LRRC8C: variants seen among roughly 807,000 people sequenced by gnomAD.
LRRC8C encodes leucine rich repeat containing 8 VRAC subunit C, also known as volume-regulated anion channel subunit LRRC8C.
LRRC8C carries 20 observed loss-of-function variants against 55.3 expected under a neutral mutation model. The observed-to-expected ratio is 0.36, with a 90% CI of 0.25 to 0.53. The LOEUF is 0.53. Ranked by LOEUF, LRRC8C falls within the 20% of genes least tolerant of loss-of-function variation. The pLI is 0.92. For synonymous variants in LRRC8C, 376 were observed against 360.7 expected, an observed-to-expected ratio of 1.04 and a Z score of -0.48; for missense variants, 659 against 951.4, an observed-to-expected ratio of 0.69 and a Z score of 4.04.
the LRRC8C span, among the ~76,000 whole-genome samples, chr1:89,616,562 G>A: frequency 6.6e-6 from 1 of 152,200 alleles, no homozygotes; most frequent in East Asian, 1.9e-4. Context: ...TCTCTGATTT[G>A]TCTGGGGAAA....
At chr1:89,708,093 C>T (rs1459979431) in intron 2 of LRRC8C, among the ~76,000 whole-genome samples, 1 of 150,696 alleles carries the variant, frequency 6.6e-6, no homozygotes, top group Non-Finnish European at 1.5e-5. Flanking sequence ...CTTCACTTCT[C>T]CCCCCAGTTT....
At chr1:89,686,051 GCA>G (rs1491318429) in intron 1 of LRRC8C, among the ~76,000 whole-genome samples, 27 of 119,828 alleles carry the variant, frequency 2.3e-4, no homozygotes, top group African/African-American at 8.8e-4. Context: ...ATGGTTTAAA[GCA>G]AAAAAAAAAA....
intron 2 of LRRC8C, among the ~76,000 whole-genome samples, chr1:89,703,183 A>G (rs977129533): frequency 2.0e-5 from 3 of 152,262 alleles, no homozygotes; most frequent in Non-Finnish European, 2.9e-5. Context: ...GACTAAAGGT[A>G]AAATCTTAAA....
chr1:89,667,292 G>T (rs1328955784), intron 1 of LRRC8C, among the ~76,000 whole-genome samples: 3 of 151,970 alleles, frequency 2.0e-5, no homozygotes, highest in Non-Finnish European at 2.9e-5. Context: ...TGTTTGTGGA[G>T]CCCCTCCACT....
chr1:89,621,836 TG>T, the LRRC8C span, among the ~76,000 whole-genome samples: 1 of 152,242 alleles, frequency 6.6e-6, no homozygotes, highest in African/African-American at 2.4e-5. Flanking sequence ...GTTAGGAGTC[TG>T]GGATACAGCA....
At chr1:89,708,403 G>T (rs972925731) in intron 2 of LRRC8C, 1 of 152,188 alleles carries the variant, frequency 6.6e-6, no homozygotes, top group Admixed American at 6.5e-5. Context: ...TTTCTTTAAG[G>T]CTTGTTTTGC....
At chr1:89,683,461 G>A (rs534437818) in intron 1 of LRRC8C, among the ~76,000 whole-genome samples, 25 of 151,650 alleles carry the variant, frequency 1.6e-4, no homozygotes, top group Middle Eastern at 3.4e-3. Context: ...AAGTTGAAGC[G>A]ATTCTCCTGC....
chr1:89,699,834 C>T (rs1039556602), intron 2 of LRRC8C, among the ~76,000 whole-genome samples: 1 of 152,206 alleles, frequency 6.6e-6, no homozygotes, highest in Non-Finnish European at 1.5e-5. Context: ...CCTTCAGAGC[C>T]ATCTACTCTG....
chr1:89,650,368 G>A (rs1355978845), intron 1 of LRRC8C, among the ~76,000 whole-genome samples: 1 of 151,934 alleles, frequency 6.6e-6, no homozygotes, highest in Non-Finnish European at 1.5e-5. Context: ...AGGAATGTTA[G>A]AATAACATTG....
rs1658834846 is a variant in LRRC8C at position 89,716,807 on chromosome 1, T to G, written c.*1825T>G. The G allele has an allele frequency of 6.6e-6, 1 of 152,224 alleles. No individual in the cohort carries two copies. The highest frequency in any genetic ancestry group is 1.5e-5 in the Non-Finnish European group (1 of 68,030). The allele number at this position is 152,224 out of a possible 1,614,324, so 9.4% of individuals were successfully genotyped here. A position where few individuals can be genotyped will look rare whatever the true frequency, so the allele number is the denominator to read the frequency against. On this transcript the variant is annotated 3_prime_UTR_variant, in exon 3 of 3. Coordinates refer to ENST00000370454, the MANE Select transcript of LRRC8C (RefSeq NM_032270.5). ...TTCTTTGGGTGAATTTACTCAGTGC[T>G]GCTTTGAGTTGTATACAGAAACAAA...
At chr1:89,622,478 G>T in the LRRC8C span, among the ~76,000 whole-genome samples, 1 of 152,032 alleles carries the variant, frequency 6.6e-6, no homozygotes, top group African/African-American at 2.4e-5. Flanking sequence ...GACTACAGGC[G>T]CCCGCCAACA....
At chr1:89,699,408 G>T (rs116668604) in intron 2 of LRRC8C, among the ~76,000 whole-genome samples, 88 of 152,232 alleles carry the variant, frequency 5.8e-4, no homozygotes, top group African/African-American at 1.9e-3. Context: ...TAGGTTCATC[G>T]ATTGTAACAA....
chr1:89,680,116 C>G (rs1222561486), intron 1 of LRRC8C, among the ~76,000 whole-genome samples: 1 of 151,340 alleles, frequency 6.6e-6, no homozygotes, highest in Non-Finnish European at 1.5e-5. Context: ...CTCTGTCACC[C>G]AGGCTGGATG....
chr1:89,646,680 C>G (rs1656623379), intron 1 of LRRC8C, among the ~76,000 whole-genome samples: 1 of 152,044 alleles, frequency 6.6e-6, no homozygotes, highest in South Asian at 2.1e-4. Context: ...TGAATGCCTT[C>G]CCCTTGAGAT....
chr1:89,708,044 C>G (rs1658534783), intron 2 of LRRC8C, among the ~76,000 whole-genome samples: 1 of 152,022 alleles, frequency 6.6e-6, no homozygotes, highest in African/African-American at 2.4e-5. Flanking sequence ...CACTTTTATG[C>G]ATTTTGGATG....
chr1:89,712,682 T>A, intron 2 of LRRC8C, 27 bp from the exon 3 acceptor site: 1 of 1,536,430 alleles, frequency 6.5e-7, no homozygotes, highest in Non-Finnish European at 9.0e-7. Context: ...AGTAATATAA[T>A]TTGAAAATAT....
At chr1:89,652,354 G>A (rs960929927) in intron 1 of LRRC8C, among the ~76,000 whole-genome samples, 2 of 152,138 alleles carry the variant, frequency 1.3e-5, no homozygotes, top group Non-Finnish European at 2.9e-5. Context: ...CTGAATCTGA[G>A]GAGCAATTTT....
intron 1 of LRRC8C, among the ~76,000 whole-genome samples, chr1:89,651,284 A>G (rs1656767880): frequency 6.6e-6 from 1 of 152,166 alleles, no homozygotes; most frequent in Admixed American, 6.5e-5. Flanking sequence ...AATATGCAAC[A>G]TAGGCCAGGC....
At chr1:89,711,078 T>C (rs1317694254) in intron 2 of LRRC8C, among the ~76,000 whole-genome samples, 1 of 152,230 alleles carries the variant, frequency 6.6e-6, no homozygotes, top group Non-Finnish European at 1.5e-5. Flanking sequence ...TTTGCTGCTG[T>C]CATCACTATA....
Sources: gnomAD v4.1 joint callset for allele counts (sites outside exome capture counted in the v4.1 genomes callset) on GRCh38, gnomAD v4.1.1 for gene constraint, MANE v1.5 for transcripts, NCBI Gene and HGNC (gene_info 2026-07-23, HGNC 2026-07-21) for gene names.